Variants in NFASC observed in about 807,000 individuals in gnomAD.
NFASC encodes neurofascin.
In NFASC, 43 loss-of-function variants were observed where a neutral mutation model predicts 147.5. The ratio of observed to expected loss-of-function variants is 0.29; its 90% CI spans 0.23 to 0.38. The LOEUF (loss-of-function observed/expected upper bound fraction) is 0.38. Among genes scored for constraint, NFASC ranks in the 10% least tolerant of loss-of-function variants. The pLI, the probability that NFASC is intolerant of heterozygous loss-of-function variation, is 1.00. For synonymous variants in NFASC, 622 were observed against 665.5 expected, an observed-to-expected ratio of 0.93 and a Z score of 1.01; for missense variants, 1,320 against 1,689.0, an observed-to-expected ratio of 0.78 and a Z score of 3.83.
Position 205,015,027 on chromosome 1 carries a change from G to A in NFASC, c.3492-1281G>A, listed in dbSNP as rs2096324572. Among the ~76,000 whole-genome samples, 1 of 152,076 alleles carries A rather than the reference G, an allele frequency of 6.6e-6. No homozygotes were observed. Among genetic ancestry groups the A allele is most frequent in the African/African-American group, 2.4e-5 (1 of 41,420 alleles). On this transcript the variant is annotated intron_variant, in intron 29 of 29. Transcript: ENST00000339876. This position sits in a 1 kb window ranked among gnomAD's most constrained non-coding sequence, Gnocchi z 4.0. ...GAATACAGTTAGGCTGTATTCGTGG[G>A]GCAGCACTGTGGGGAGTGGGCTAAT...
At chr1:204,998,489 G>A (rs1036652026) in intron 25 of NFASC, 2 of 152,202 alleles carry the variant, frequency 1.3e-5, no homozygotes, top group African/African-American at 4.8e-5. Flanking sequence ...AGACATGAGA[G>A]GATTTTGTTT....
Position 205,021,578 on chromosome 1 carries a change from A to G in NFASC, c.*5039A>G, listed in dbSNP as rs563069956. On this transcript the variant is annotated 3_prime_UTR_variant, in exon 30 of 30. Coordinates refer to ENST00000339876, the MANE Select transcript of NFASC (RefSeq NM_001005388.3). ...TGAAGGGATTTTTGCTCAAGATCACATAGCTGGTAAACTAAGGTAAGGTTA... is the reference window on the plus strand; with the variant it reads ...TGAAGGGATTTTTGCTCAAGATCACGTAGCTGGTAAACTAAGGTAAGGTTA... 6.5e-6 allele frequency: 1 copy of G among 153,374 alleles called. No individual in the cohort carries two copies. The highest frequency in any genetic ancestry group is 1.9e-4 in the East Asian group (1 of 5,190). The allele number at this position is 153,374 out of a possible 1,614,324, so 9.5% of individuals were successfully genotyped here.
chr1:204,970,816 C>A, intron 11 of NFASC, 69 bp downstream of exon 11: 1 of 1,594,524 alleles, frequency 6.3e-7, no homozygotes, highest in East Asian at 2.2e-5. Flanking sequence ...ATCCCCATCA[C>A]TGTAGCCAGT....
At chr1:204,997,051 C>G (rs2095859589) in intron 24 of NFASC, 119 bp from the exon 25 acceptor site, 1 of 1,485,068 alleles carries the variant, frequency 6.7e-7, no homozygotes. Flanking sequence ...CTTGGGGAGG[C>G]TCCTGATGAC....
At position 205,021,635 on chromosome 1, in the gene NFASC, CCAGT is replaced by C. The variant is rs1198438535; in HGVS notation, c.*5101_*5104del. ...GAACTTGGGCCTTCTGACTCCTTGTCCAGTCAGTGTTCTTTCATCTCACCACAGC... is the reference window on the plus strand; with the variant it reads ...GAACTTGGGCCTTCTGACTCCTTGTCCAGTGTTCTTTCATCTCACCACAGC... On this transcript the variant is annotated 3_prime_UTR_variant, in exon 30 of 30. Coordinates refer to ENST00000339876, the MANE Select transcript of NFASC (RefSeq NM_001005388.3). The C allele has an allele frequency of 3.3e-5, 5 of 153,448 alleles. No homozygotes were observed. Among genetic ancestry groups the C allele is most frequent in the Admixed American group, 6.5e-5 (1 of 15,280 alleles). The allele number at this position is 153,448 out of a possible 1,614,324, so 9.5% of individuals were successfully genotyped here. A position where few individuals can be genotyped will look rare whatever the true frequency, so the allele number is the denominator to read the frequency against.
chr1:204,999,082 G>A (rs1036158374), intron 25 of NFASC: 1 of 152,194 alleles, frequency 6.6e-6, no homozygotes, highest in Non-Finnish European at 1.5e-5. Flanking sequence ...TCTTCTCAGG[G>A]TGAAATAGGC....
chr1:204,836,030 G>T (rs1159689945), intron 1 of NFASC, among the ~76,000 whole-genome samples: 1 of 152,164 alleles, frequency 6.6e-6, no homozygotes, highest in East Asian at 1.9e-4. Flanking sequence ...ATTTGCTTTG[G>T]CAGTAGCATT....
intron 1 of NFASC, among the ~76,000 whole-genome samples, chr1:204,906,799 C>T (rs1424993931): frequency 6.6e-6 from 1 of 151,874 alleles, no homozygotes; most frequent in African/African-American, 2.4e-5. Context: ...TCTCCTGCCT[C>T]AGCCTCCCCG....
chr1:204,887,583 T>A (rs1215952684), intron 1 of NFASC, among the ~76,000 whole-genome samples: 1 of 142,140 alleles, frequency 7.0e-6, no homozygotes, highest in Admixed American at 7.4e-5. Flanking sequence ...GGAGCCTGAT[T>A]GGCTTTTTTT....
At chr1:204,952,299 G>C (rs2094169607) in intron 5 of NFASC, among the ~76,000 whole-genome samples, 183 bp downstream of exon 5, 1 of 152,190 alleles carries the variant, frequency 6.6e-6, no homozygotes, top group Admixed American at 6.5e-5. Flanking sequence ...GCAAACTGGA[G>C]ACCAGAAAAC....
intron 2 of NFASC, among the ~76,000 whole-genome samples, chr1:204,936,393 G>C (rs1026368465): frequency 5.9e-5 from 9 of 151,792 alleles, no homozygotes; most frequent in Admixed American, 2.6e-4. Context: ...GTAGAGATGG[G>C]ATTTCACCAT....
chr1:205,016,230 C>A lies in NFASC; in HGVS notation c.3492-78C>A. ...TCTCCTGGATCCCATCCTCTCTGAG[C>A]TGTGTAGGGCATGTGCTGGCAGGAG... On this transcript the variant is annotated intron_variant, in intron 29 of 29. Transcript: ENST00000339876. This position sits in a 1 kb window ranked among gnomAD's most constrained non-coding sequence, Gnocchi z 5.1. 2.1e-6 allele frequency: 2 copies of A among 963,220 alleles called. No individual in the cohort carries two copies. Among genetic ancestry groups the A allele is most frequent in the Non-Finnish European group, 3.3e-6 (2 of 598,032 alleles). The allele number at this position is 963,220 out of a possible 1,614,324, so 59.7% of individuals were successfully genotyped here.
Position 204,920,678 on chromosome 1 carries a change from T to C in NFASC, c.-153T>C, listed in dbSNP as rs1261517869. 2.3e-6 allele frequency: 3 copies of C among 1,289,600 alleles called. No individual in the cohort carries two copies. In the Admixed American group the frequency reaches 6.9e-5, roughly 30 times the overall value. The allele number at this position is 1,289,600 out of a possible 1,614,324, so 79.9% of individuals were successfully genotyped here. On this transcript the variant is annotated 5_prime_UTR_variant, in exon 2 of 30. Coordinates refer to ENST00000339876, the MANE Select transcript of NFASC (RefSeq NM_001005388.3). Reference sequence around the variant, plus strand: ...TTGGGACGCTGGAGTTTACCTTCCCTCCGCAGCCTGGAACAGAGCCTCCTC... The same window carrying C: ...TTGGGACGCTGGAGTTTACCTTCCCCCCGCAGCCTGGAACAGAGCCTCCTC...
chr1:204,954,151 A>G lies in NFASC; in HGVS notation c.216-37A>G. 6.3e-7 allele frequency: 1 copy of G among 1,599,684 alleles called. No individual in the cohort carries two copies. The highest frequency in any genetic ancestry group is 8.6e-7 in the Non-Finnish European group (1 of 1,167,430). On this transcript the variant is annotated intron_variant, in intron 5 of 29. Coordinates refer to ENST00000339876, the MANE Select transcript of NFASC (RefSeq NM_001005388.3). The surrounding 1 kb of genome is among the most constrained non-coding windows in gnomAD (Gnocchi z 5.7). ...CTGCCTGGAGCCCAGAGCCCACCCC[A>G]TTCGTCTTGGTTGCCACTGCTCCCC...
At chr1:204,868,358 T>C (rs1385846393) in intron 1 of NFASC, among the ~76,000 whole-genome samples, 1 of 152,096 alleles carries the variant, frequency 6.6e-6, no homozygotes, top group Non-Finnish European at 1.5e-5. Flanking sequence ...GAGTAAGCCT[T>C]GGGGAATCGG....
chr1:204,896,903 G>A (rs892157475), intron 1 of NFASC, among the ~76,000 whole-genome samples: 7 of 152,186 alleles, frequency 4.6e-5, no homozygotes, highest in Non-Finnish European at 1.0e-4. Context: ...TAGGGGCTGG[G>A]ATAGGGCAAG....
chr1:204,858,533 A>G (rs1314512522), intron 1 of NFASC, among the ~76,000 whole-genome samples: 3 of 152,062 alleles, frequency 2.0e-5, no homozygotes, highest in Admixed American at 6.6e-5. Context: ...GGGAGGTGGG[A>G]GAAGCAGTGT....
At position 204,954,910 on chromosome 1, in the gene NFASC, C is replaced by T. The variant is rs759387382; in HGVS notation, c.494C>T (p.Pro165Leu). 6.2e-6 allele frequency: 10 copies of T among 1,614,132 alleles called. 1 individual carries two copies. The highest frequency in any genetic ancestry group is 1.1e-5 in the South Asian group (1 of 91,086). Residue 165 changes from proline (P) to leucine (L), a missense_variant, in exon 7 of 30, where the codon CCG (proline) becomes CTG (leucine). Physicochemically the swap from Pro to Leu is moderately conservative, Grantham distance 98 (BLOSUM62 -3). This residue lies in a region of NFASC where 981 missense variants were observed against 1,289.5 expected (regional missense o/e 0.76). Coordinates refer to ENST00000339876, the MANE Select transcript of NFASC (RefSeq NM_001005388.3). The surrounding 1 kb of genome is among the most constrained non-coding windows in gnomAD (Gnocchi z 5.7). ...GAPLTLQCNP[P>L]PGLPSPVIFW... ...CCTTTGACGCTCCAGTGCAACCCCC[C>T]GCCTGGACTTCCATCCCCGGTCATC...
rs1436527942 is a variant in NFASC, at chr1:204,975,524, A to C, written c.1706+106A>C. On this transcript the variant is annotated intron_variant, in intron 15 of 29. Transcript: ENST00000339876. This position sits in a 1 kb window ranked among gnomAD's most constrained non-coding sequence, Gnocchi z 4.0. The stretch of plus-strand genomic sequence containing the variant: ...AACACAGGGACAGGGAACCCGTGTC[A>C]TGCATGTCACCAAGGAGCTTCTGCA... 7.0e-7 allele frequency: 1 copy of C among 1,427,446 alleles called. No individual in the cohort carries two copies. The highest frequency in any genetic ancestry group is 2.3e-5 in the East Asian group (1 of 43,138). The allele number at this position is 1,427,446 out of a possible 1,614,324, so 88.4% of individuals were successfully genotyped here.
Sources: gnomAD v4.1 joint callset for allele counts (sites outside exome capture counted in the v4.1 genomes callset) on GRCh38, gnomAD v4.1.1 for gene constraint, gnomAD v4.1.1 regional missense constraint, Gnocchi (gnomAD v3.1) non-coding constraint, MANE v1.5 for transcripts, NCBI Gene and HGNC (gene_info 2026-07-23, HGNC 2026-07-21) for gene names.